The following PARD3B variants were observed in gnomAD, a reference collection of about 807,000 sequenced individuals.
The protein encoded by PARD3B is par-3 family cell polarity regulator beta, also known as partitioning defective 3 homolog B.
PARD3B carries 103 observed loss-of-function variants against 130.2 expected under a neutral mutation model. The observed-to-expected ratio is 0.79, with a 90% confidence interval of 0.67 to 0.93. The LOEUF (loss-of-function observed/expected upper bound fraction) is 0.93. PARD3B is among the 40% of genes least tolerant of loss of function. The pLI, the probability that PARD3B is intolerant of heterozygous loss-of-function variation, is 0.00. For missense variants in PARD3B, 1,609 were observed against 1,499.2 expected (o/e 1.07, Z -1.21); for synonymous variants, 583 against 553.2 (o/e 1.05, Z -0.76).
rs2030848743 is a variant in PARD3B at position 205,122,369 on chromosome 2, C to A, written c.1165+420C>A. ...GTCTTCTAACAACAAAAATTTACTC[C>A]TCAGAAAGCAAATATGTAATGTTTA... On this transcript the variant is annotated intron_variant, in intron 8 of 22. Transcript: ENST00000406610. The surrounding 1 kb of genome is among the most constrained non-coding windows in gnomAD (Gnocchi z 4.3). Among the ~76,000 whole-genome samples, 1 of 152,162 alleles carries A rather than the reference C, an allele frequency of 6.6e-6. No homozygotes were observed. Among genetic ancestry groups the A allele is most frequent in the Non-Finnish European group, 1.5e-5 (1 of 68,036 alleles).
intron 2 of PARD3B, among the ~76,000 whole-genome samples, chr2:204,862,503 A>G (rs994812399): frequency 6.6e-6 from 1 of 152,122 alleles, no homozygotes; most frequent in Middle Eastern, 3.4e-3. Context: ...TTACCACTGG[A>G]CTCCTTTGCC....
chr2:205,356,151 C>G (rs570653035), intron 18 of PARD3B, among the ~76,000 whole-genome samples: 1 of 152,290 alleles, frequency 6.6e-6, no homozygotes, highest in South Asian at 2.1e-4. Flanking sequence ...CTAAAAATTC[C>G]TTTTCCTACT....
chr2:204,756,834 G>A (rs963916991), intron 2 of PARD3B, among the ~76,000 whole-genome samples: 1 of 152,096 alleles, frequency 6.6e-6, no homozygotes, highest in Admixed American at 6.6e-5. Context: ...ATGACTCTGA[G>A]GTTTGGGCTT....
At position 205,279,070 on chromosome 2, in the gene PARD3B, C is replaced by CAAAAAAA. The variant is rs57717513; in HGVS notation, c.2186-21440_2186-21434dup. On this transcript the variant is annotated intron_variant, in intron 16 of 22. Transcript: ENST00000406610. ...TGGATGACAGAGCAAGAATCTGTCT[C>CAAAAAAA]AAAAAAAAAAAAAAAAAAAAAAAAA... Among the ~76,000 whole-genome samples, 183 of 38,844 alleles carry CAAAAAAA rather than the reference C, an allele frequency of 4.7e-3. 45 individuals carry two copies. The highest frequency in any genetic ancestry group is 6.4e-3 in the Non-Finnish European group (144 of 22,598). The allele number at this position is 38,844 out of a possible 152,430, so 25.5% of individuals were successfully genotyped here. A position where few individuals can be genotyped will look rare whatever the true frequency, so the allele number is the denominator to read the frequency against.
chr2:205,438,987 A>G (rs2047617204), intron 19 of PARD3B, among the ~76,000 whole-genome samples: 1 of 152,068 alleles, frequency 6.6e-6, no homozygotes, highest in Admixed American at 6.6e-5. Context: ...CCCAATTGAA[A>G]TTGCCCAATT....
chr2:205,391,105 G>T (rs1380119333), intron 18 of PARD3B, among the ~76,000 whole-genome samples: 3 of 152,224 alleles, frequency 2.0e-5, no homozygotes, highest in Non-Finnish European at 2.9e-5. Context: ...GGCCTGGGAA[G>T]GGCAAGTCAA....
chr2:205,025,314 CTG>C (rs1696933030), intron 3 of PARD3B, among the ~76,000 whole-genome samples: 1 of 152,152 alleles, frequency 6.6e-6, no homozygotes, highest in Non-Finnish European at 1.5e-5. Flanking sequence ...CTTGCTGTGG[CTG>C]TGTTTTTCGT....
chr2:204,983,505 A>C (rs559624978), intron 3 of PARD3B, among the ~76,000 whole-genome samples: 9 of 152,208 alleles, frequency 5.9e-5, no homozygotes, highest in Non-Finnish European at 1.2e-4. Context: ...GTTGAGAATT[A>C]AGAGGAAACA....
intron 22 of PARD3B, among the ~76,000 whole-genome samples, chr2:205,571,959 A>T (rs2053573343): frequency 6.6e-6 from 1 of 152,230 alleles, no homozygotes; most frequent in South Asian, 2.1e-4. Context: ...GATGAAAGAA[A>T]CTAAACACAT....
At chr2:205,299,694 G>A (rs1227567237) in intron 16 of PARD3B, among the ~76,000 whole-genome samples, 1 of 152,040 alleles carries the variant, frequency 6.6e-6, no homozygotes, top group Non-Finnish European at 1.5e-5. Context: ...GGCAGGTAGA[G>A]GGCAAGGCAA....
At chr2:204,746,128 C>T (rs1294234644) in intron 2 of PARD3B, among the ~76,000 whole-genome samples, 1 of 92,490 alleles carries the variant, frequency 1.1e-5, no homozygotes, top group Non-Finnish European at 2.0e-5. Flanking sequence ...CTATCCCTCC[C>T]CCCTCCCCCC....
At position 205,243,544 on chromosome 2, in the gene PARD3B, C is replaced by T. The variant is rs575948574; in HGVS notation, c.2141-2234C>T. Among the ~76,000 whole-genome samples the T allele has an allele frequency of 1.2e-4, 19 of 152,334 alleles. No homozygotes were observed. The South Asian group carries it at 3.7e-3, about 30-fold the overall frequency. On this transcript the variant is annotated intron_variant, in intron 15 of 22. Coordinates refer to ENST00000406610, the MANE Select transcript of PARD3B (RefSeq NM_001302769.2). ...CCCATCAGAATCATCAATTTCAAAACATGTTAAACAAAATTATAGCTAACA... is the reference window on the plus strand; with the variant it reads ...CCCATCAGAATCATCAATTTCAAAATATGTTAAACAAAATTATAGCTAACA...
chr2:204,719,323 G>A (rs1426426265), intron 2 of PARD3B, among the ~76,000 whole-genome samples: 1 of 152,192 alleles, frequency 6.6e-6, no homozygotes, highest in Non-Finnish European at 1.5e-5. Flanking sequence ...TAGTGGATTA[G>A]CAAACAGTTG....
At chr2:205,217,659 T>A (rs576972865) in intron 15 of PARD3B, among the ~76,000 whole-genome samples, 2 of 151,602 alleles carry the variant, frequency 1.3e-5, no homozygotes, top group East Asian at 3.9e-4. Context: ...TATTTTTTCT[T>A]AATGTCTCTA....
Position 204,887,896 on chromosome 2 carries a change from G to C in PARD3B, c.223-77256G>C, listed in dbSNP as rs978115596. 1.3e-5 allele frequency among the ~76,000 whole-genome samples: 2 copies of C among 152,146 alleles called. No homozygotes were observed. The highest frequency in any genetic ancestry group is 4.8e-5 in the African/African-American group (2 of 41,424). On this transcript the variant is annotated intron_variant, in intron 2 of 22. Transcript: ENST00000406610. This position sits in a 1 kb window ranked among gnomAD's most constrained non-coding sequence, Gnocchi z 4.2. The stretch of plus-strand genomic sequence containing the variant: ...ATGGCAAAGGGCTCACTATGGATTT[G>C]AGAAGCCAGAAAAGTCCTTAGAGAG...
chr2:204,835,919 A>G (rs2125577340), intron 2 of PARD3B, among the ~76,000 whole-genome samples: 1 of 152,328 alleles, frequency 6.6e-6, no homozygotes, highest in Non-Finnish European at 1.5e-5. Flanking sequence ...TGTTAGGTAT[A>G]TTAAATGCAT....
chr2:205,179,600 G>C (rs763196440), intron 13 of PARD3B, among the ~76,000 whole-genome samples: 9 of 152,170 alleles, frequency 5.9e-5, no homozygotes, highest in Non-Finnish European at 1.2e-4. Context: ...AGGAGCAATA[G>C]GCTATACCAC....
intron 19 of PARD3B, among the ~76,000 whole-genome samples, chr2:205,427,723 TA>T (rs927790000): frequency 1.3e-5 from 2 of 151,920 alleles, no homozygotes; most frequent in Non-Finnish European, 2.9e-5. Flanking sequence ...GCAAATTAAA[TA>T]AAAAGGAAAA....
chr2:205,164,606 G>A (rs1017607012), intron 11 of PARD3B, among the ~76,000 whole-genome samples: 1 of 151,400 alleles, frequency 6.6e-6, no homozygotes, highest in Non-Finnish European at 1.5e-5. Context: ...ATAAAATTTT[G>A]GAATGCTACA....
Sources: gnomAD v4.1 joint callset for allele counts (sites outside exome capture counted in the v4.1 genomes callset) on GRCh38, gnomAD v4.1.1 for gene constraint, Gnocchi (gnomAD v3.1) non-coding constraint, MANE v1.5 for transcripts, NCBI Gene and HGNC (gene_info 2026-07-23, HGNC 2026-07-21) for gene names.